ZNF652: variants seen among roughly 807,000 people sequenced by gnomAD.
ZNF652 encodes the protein zinc finger protein 652.
ZNF652 carries 16 observed loss-of-function variants against 45.2 expected under a neutral mutation model. The observed-to-expected ratio is 0.35, with a 90% confidence interval of 0.24 to 0.54. The LOEUF is 0.54. Ranked by LOEUF, ZNF652 falls within the 20% of genes least tolerant of loss-of-function variation. ZNF652 has a pLI of 0.91. For synonymous variants in ZNF652, 250 were observed against 260.6 expected, an observed-to-expected ratio of 0.96 and a Z score of 0.39; for missense variants, 614 against 765.6, an observed-to-expected ratio of 0.80 and a Z score of 2.34.
chr17:49,352,326 A>G (rs1264353622), intron 1 of ZNF652, among the ~76,000 whole-genome samples: 2 of 152,162 alleles, frequency 1.3e-5, no homozygotes, highest in Non-Finnish European at 2.9e-5. Context: ...GGGAGCTGAA[A>G]GAACTTATAA....
chr17:49,293,427 A>G lies in ZNF652; in HGVS notation c.*4986T>C, dbSNP rs1318894933. ...TCATAAAGTCTATAAAAAAGTCTAG[A>G]AAGTATAAAAGTATAGAACTATGAA... On this transcript the variant is annotated 3_prime_UTR_variant, in exon 6 of 6. Transcript: ENST00000430262. Among the ~76,000 whole-genome samples the G allele has an allele frequency of 6.6e-6, 1 of 152,200 alleles. No homozygotes were observed. The highest frequency in any genetic ancestry group is 2.4e-5 in the African/African-American group (1 of 41,464).
At chr17:49,337,689 G>T (rs912455244) in intron 1 of ZNF652, among the ~76,000 whole-genome samples, 6 of 152,082 alleles carry the variant, frequency 3.9e-5, no homozygotes, top group African/African-American at 1.4e-4. Flanking sequence ...TAATAAACAA[G>T]GAGCCCATGT....
chr17:49,328,108 TA>T (rs756961291), intron 1 of ZNF652, among the ~76,000 whole-genome samples: 20 of 152,088 alleles, frequency 1.3e-4, no homozygotes, highest in Middle Eastern at 3.4e-3. Flanking sequence ...ATTACTGGTA[TA>T]AATGCTTATG....
rs923678010 is a variant in ZNF652, at chr17:49,294,427, T to C, written c.*3986A>G. 3.3e-5 allele frequency: 5 copies of C among 152,236 alleles called. No individual in the cohort carries two copies. Among genetic ancestry groups the C allele is most frequent in the Non-Finnish European group, 7.3e-5 (5 of 68,042 alleles). The allele number at this position is 152,236 out of a possible 1,614,324, so 9.4% of individuals were successfully genotyped here. ...GTCTTCTTTGAACTAAAGTTTTTTTTGTGGCGATCTCCCCTCTTGCTAAAA... is the reference window on the plus strand; with the variant it reads ...GTCTTCTTTGAACTAAAGTTTTTTTCGTGGCGATCTCCCCTCTTGCTAAAA... On this transcript the variant is annotated 3_prime_UTR_variant, in exon 6 of 6. Coordinates refer to ENST00000430262, the MANE Select transcript of ZNF652 (RefSeq NM_001145365.3).
chr17:49,350,726 T>C (rs1392730802), intron 1 of ZNF652, among the ~76,000 whole-genome samples: 3 of 151,164 alleles, frequency 2.0e-5, no homozygotes, highest in African/African-American at 4.9e-5. Context: ...TCCCAGCACT[T>C]TGGGAGGCCA....
At chr17:49,331,753 G>A (rs1231164678) in intron 1 of ZNF652, among the ~76,000 whole-genome samples, 1 of 152,148 alleles carries the variant, frequency 6.6e-6, no homozygotes, top group Non-Finnish European at 1.5e-5. Context: ...AAAGACAAAG[G>A]AGTGTTATTG....
chr17:49,357,502 A>G (rs1421083875), intron 1 of ZNF652, among the ~76,000 whole-genome samples: 1 of 152,234 alleles, frequency 6.6e-6, no homozygotes, highest in Non-Finnish European at 1.5e-5. Context: ...ATAGCAGTTT[A>G]TAATAAAAAT....
At chr17:49,350,112 T>A (rs1055708031) in intron 1 of ZNF652, among the ~76,000 whole-genome samples, 3 of 152,148 alleles carry the variant, frequency 2.0e-5, no homozygotes, top group African/African-American at 7.2e-5. Flanking sequence ...AATATACCAA[T>A]GTCAGTTCCT....
chr17:49,342,571 GA>G (rs2070160697), intron 1 of ZNF652, among the ~76,000 whole-genome samples: 2 of 68,272 alleles, frequency 2.9e-5, no homozygotes, highest in Admixed American at 2.1e-4. Flanking sequence ...GGGGGGGGGG[GA>G]ATCAATACAT....
At chr17:49,334,779 C>CAAAAAAAAAA (rs5820756) in intron 1 of ZNF652, among the ~76,000 whole-genome samples, 1 of 115,658 alleles carries the variant, frequency 8.6e-6, no homozygotes. Flanking sequence ...ACTCGATCTC[C>CAAAAAAAAAA]AAAAAAAAAA....
rs71144595 is a variant in ZNF652, at chr17:49,313,973, C to CAAAAAAAAAAAA, written c.901-1140_901-1129dup. On this transcript the variant is annotated intron_variant, in intron 2 of 5. Transcript: ENST00000430262. ...GGCAACAAAGAGCGAAACTCCATCT[C>CAAAAAAAAAAAA]AAAAAAAAAAAAAAAAAAAAAAAAA... Among the ~76,000 whole-genome samples the CAAAAAAAAAAAA allele has an allele frequency of 9.6e-4, 22 of 22,872 alleles. 2 individuals carry two copies. The highest frequency in any genetic ancestry group is 1.2e-3 in the Non-Finnish European group (16 of 13,642). The allele number at this position is 22,872 out of a possible 152,430, so 15.0% of individuals were successfully genotyped here.
chr17:49,356,429 C>CAAA (rs35374808), intron 1 of ZNF652, among the ~76,000 whole-genome samples: 9,289 of 41,998 alleles, frequency 0.22, 1,949 homozygotes, highest in South Asian at 0.27. Flanking sequence ...ACTCTGTCTG[C>CAAA]AAAAAAAAAA....
At chr17:49,300,650 G>T (rs1598281482) in intron 5 of ZNF652, among the ~76,000 whole-genome samples, 1 of 152,088 alleles carries the variant, frequency 6.6e-6, no homozygotes, top group Non-Finnish European at 1.5e-5. Flanking sequence ...ATCAATTCCT[G>T]CATCAGTCCT....
chr17:49,295,583 T>A lies in ZNF652; in HGVS notation c.*2830A>T, dbSNP rs571112236. 1.3e-5 allele frequency: 2 copies of A among 152,438 alleles called. No individual in the cohort carries two copies. Among genetic ancestry groups the A allele is most frequent in the African/African-American group, 4.8e-5 (2 of 41,424 alleles). 9.4% of individuals were successfully genotyped at this position (152,438 alleles called of 1,614,324 possible). A position where few individuals can be genotyped will look rare whatever the true frequency, so the allele number is the denominator to read the frequency against. ...ATTACAGTACAACCTCATGAAATGG[T>A]TGATTCTGTGGTCTCAAGTCTAGAA... is the stretch of plus-strand genomic sequence containing the variant. On this transcript the variant is annotated 3_prime_UTR_variant, in exon 6 of 6. Transcript: ENST00000430262.
At chr17:49,337,821 T>C (rs990012886) in intron 1 of ZNF652, among the ~76,000 whole-genome samples, 2 of 152,180 alleles carry the variant, frequency 1.3e-5, no homozygotes, top group African/African-American at 4.8e-5. Flanking sequence ...TATTCATGCA[T>C]TTACAAGCTT....
chr17:49,354,837 T>C (rs1248604019), intron 1 of ZNF652, among the ~76,000 whole-genome samples: 2 of 152,048 alleles, frequency 1.3e-5, no homozygotes, highest in African/African-American at 4.8e-5. Flanking sequence ...GCGATTCTCA[T>C]GCCTCAGCCT....
At chr17:49,308,665 G>T (rs572940551) in intron 5 of ZNF652, among the ~76,000 whole-genome samples, 1 of 152,008 alleles carries the variant, frequency 6.6e-6, no homozygotes, top group Non-Finnish European at 1.5e-5. Flanking sequence ...AGCCAGGCAC[G>T]GTGGTGCGCA....
intron 5 of ZNF652, among the ~76,000 whole-genome samples, chr17:49,306,238 A>G (rs1012222161): frequency 2.0e-5 from 3 of 152,374 alleles, no homozygotes; most frequent in Non-Finnish European, 4.4e-5. Flanking sequence ...GAAATTAAAA[A>G]AGTCAAACAC....
Position 49,298,097 on chromosome 17 carries a change from C to A in ZNF652, c.*316G>T. On this transcript the variant is annotated 3_prime_UTR_variant, in exon 6 of 6. Transcript: ENST00000430262. ...TGAGGAGAAGTCTGGGATATAAAAG[C>A]AAGCATACCTCATCAGCTGATATGA... is the stretch of plus-strand genomic sequence containing the variant. The A allele has an allele frequency of 3.1e-6, 1 of 321,904 alleles. No individual in the cohort carries two copies. The highest frequency in any genetic ancestry group is 5.8e-6 in the Non-Finnish European group (1 of 173,208). 19.9% of individuals were successfully genotyped at this position (321,904 alleles called of 1,614,324 possible).
Sources: allele counts gnomAD v4.1 joint callset (sites outside exome capture counted in the v4.1 genomes callset), GRCh38; gene constraint gnomAD v4.1.1; transcripts MANE v1.5; gene names NCBI Gene and HGNC (gene_info 2026-07-23, HGNC 2026-07-21).